NNT: variants seen among roughly 807,000 people sequenced by gnomAD.
The protein encoded by NNT is NAD(P) transhydrogenase, mitochondrial.
NNT carries 50 observed loss-of-function variants against 104.8 expected under a neutral mutation model. That is an observed-to-expected ratio of 0.48 (90% CI 0.38 to 0.60). The LOEUF (loss-of-function observed/expected upper bound fraction) is 0.60, where lower values mean the gene tolerates loss of function less well. NNT is among the 20% of genes least tolerant of loss of function. The probability of loss-of-function intolerance (pLI) is 0.00; values close to 1 mark genes in which losing one functional copy is unlikely to be tolerated. For synonymous variants in NNT, 461 were observed against 490.4 expected (o/e 0.94, Z 0.79); for missense variants, 1,131 against 1,330.7 (o/e 0.85, Z 2.33).
Position 43,673,366 on chromosome 5 carries a change from C to T in NNT, c.2635-2145C>T, listed in dbSNP as rs145452160. Among the ~76,000 whole-genome samples, 557 of 152,322 alleles carry T rather than the reference C, an allele frequency of 3.7e-3. 8 individuals are homozygous for T. Among genetic ancestry groups the T allele is most frequent in the African/African-American group, 0.013 (530 of 41,566 alleles). ...TGGAAATGCAGAAATCACCCGTCTT[C>T]TGCGTCTCTCATGCTGGTAGCTGTA... is the stretch of plus-strand genomic sequence containing the variant. On this transcript the variant is annotated intron_variant, in intron 17 of 21. Coordinates refer to ENST00000344920, the MANE Select transcript of NNT (RefSeq NM_182977.3).
At chr5:43,613,406 G>A in intron 3 of NNT, 1 of 361,646 alleles carries the variant, frequency 2.8e-6, no homozygotes, top group Non-Finnish European at 5.1e-6. Flanking sequence ...AATTGGCTAG[G>A]AAAAATTTGT....
intron 16 of NNT, among the ~76,000 whole-genome samples, chr5:43,658,118 A>C (rs1397582566): frequency 6.6e-6 from 1 of 152,084 alleles, no homozygotes; most frequent in African/African-American, 2.4e-5. Context: ...CTGGGTGACA[A>C]AGCAAGACTC....
intron 17 of NNT, among the ~76,000 whole-genome samples, chr5:43,672,565 G>T (rs550734559): frequency 2.0e-5 from 3 of 152,336 alleles, no homozygotes; most frequent in African/African-American, 7.2e-5. Flanking sequence ...GACCGTGTTT[G>T]CCTGGGTATC....
At position 43,690,765 on chromosome 5, in the gene NNT, T is replaced by A. The variant is rs1050786091; in HGVS notation, c.2877-9354T>A. Among the ~76,000 whole-genome samples, 5 of 152,252 alleles carry A rather than the reference T, an allele frequency of 3.3e-5. 2 individuals are homozygous for A. The South Asian group carries it at 1.0e-3, about 32-fold the overall frequency. Reference sequence around the variant, plus strand: ...CCACTGCCAACCGTCCTTTGAGTTATATGTAAAATACTCTTGGATTCATTT... The same window carrying A: ...CCACTGCCAACCGTCCTTTGAGTTAAATGTAAAATACTCTTGGATTCATTT... On this transcript the variant is annotated intron_variant, in intron 19 of 21. Transcript: ENST00000344920.
intron 7 of NNT, among the ~76,000 whole-genome samples, chr5:43,633,227 C>T (rs1175803727): frequency 6.6e-6 from 1 of 152,152 alleles, no homozygotes; most frequent in Non-Finnish European, 1.5e-5. Flanking sequence ...TCATAGTCTC[C>T]CACTCCCCAA....
Position 43,656,663 on chromosome 5 carries a change from A to T in NNT, c.2304A>T (p.Lys768Asn). Residue 768 changes from lysine to asparagine, a missense_variant, in exon 16 of 22, where the codon AAA (lysine) becomes AAT (asparagine). Coordinates refer to ENST00000344920, the MANE Select transcript of NNT (RefSeq NM_182977.3). ...TGTGCTTGGCTCTAGGTCTCCTGAAATCTGCCCCTCTCCTACTGCCTGGAA... is the reference window on the plus strand; with the variant it reads ...TGTGCTTGGCTCTAGGTCTCCTGAATTCTGCCCCTCTCCTACTGCCTGGAA... ...IAYGKLQGLL[K>N]SAPLLLPGRH... 10 of 1,611,058 alleles carry T rather than the reference A, an allele frequency of 6.2e-6. No individual in the cohort carries two copies. The highest frequency in any genetic ancestry group is 2.2e-5 in the South Asian group (2 of 90,344).
chr5:43,612,130 C>A (rs1749530040), intron 2 of NNT, among the ~76,000 whole-genome samples: 1 of 152,162 alleles, frequency 6.6e-6, no homozygotes, highest in Admixed American at 6.5e-5. Context: ...GCTGACCTCC[C>A]TTTGATTACC....
intron 3 of NNT, 113 bp downstream of exon 3, chr5:43,613,250 T>A: frequency 1.2e-6 from 1 of 811,188 alleles, no homozygotes; most frequent in Non-Finnish European, 1.9e-6. Flanking sequence ...TTTCAAACAG[T>A]GTATTTTTCT....
Position 43,704,828 on chromosome 5 carries a change from G to T in NNT, c.*424G>T. On this transcript the variant is annotated 3_prime_UTR_variant, in exon 22 of 22. Coordinates refer to ENST00000344920, the MANE Select transcript of NNT (RefSeq NM_182977.3). ...AACATTGCAGGCACCTGCATTTTATGTTTTTTTTTTCAACAAATGTGACTA... is the reference window on the plus strand; with the variant it reads ...AACATTGCAGGCACCTGCATTTTATTTTTTTTTTTTCAACAAATGTGACTA... The T allele has an allele frequency of 2.0e-5, 3 of 150,208 alleles. No homozygotes were observed. Among genetic ancestry groups the T allele is most frequent in the Non-Finnish European group, 4.4e-5 (3 of 67,990 alleles). The allele number at this position is 150,208 out of a possible 1,614,324, so 9.3% of individuals were successfully genotyped here. A position where few individuals can be genotyped will look rare whatever the true frequency, so the allele number is the denominator to read the frequency against.
At chr5:43,651,972 A>ATCGAGCAAATACAACTCTG (rs1739792592) in intron 13 of NNT, 88 bp downstream of exon 13, 3 of 1,374,738 alleles carry the variant, frequency 2.2e-6, no homozygotes, top group South Asian at 1.3e-5. Context: ...AATTCAAAGT[A>ATCGAGCAAATACAACTCTG]TCGAGCAAAT....
intron 4 of NNT, among the ~76,000 whole-genome samples, chr5:43,617,243 A>T (rs1489925327): frequency 2.0e-5 from 3 of 152,254 alleles, no homozygotes; most frequent in African/African-American, 7.2e-5. Context: ...GTCGCTCTAG[A>T]TCAAGTGGTT....
At chr5:43,658,132 C>G (rs1423109389) in intron 16 of NNT, among the ~76,000 whole-genome samples, 1 of 151,078 alleles carries the variant, frequency 6.6e-6, no homozygotes, top group Non-Finnish European at 1.5e-5. Flanking sequence ...AAGACTCTGT[C>G]TCAAAAAAAA....
intron 7 of NNT, among the ~76,000 whole-genome samples, chr5:43,641,061 G>GT (rs2111799500): frequency 6.6e-6 from 1 of 151,820 alleles, no homozygotes; most frequent in Admixed American, 6.6e-5. Flanking sequence ...ATGGTATTAG[G>GT]TTTGGGTAGA....
chr5:43,640,086 A>G (rs369067700), intron 7 of NNT, among the ~76,000 whole-genome samples: 2 of 152,028 alleles, frequency 1.3e-5, no homozygotes, highest in Non-Finnish European at 2.9e-5. Flanking sequence ...TTTTGCAATT[A>G]TGTCTAAAAA....
chr5:43,672,989 G>C (rs575456566), intron 17 of NNT, among the ~76,000 whole-genome samples: 7 of 152,222 alleles, frequency 4.6e-5, no homozygotes, highest in Middle Eastern at 6.8e-3. Flanking sequence ...AATGGTGGGC[G>C]TCCCTCCCCC....
chr5:43,614,045 T>A (rs1218052189), intron 3 of NNT, among the ~76,000 whole-genome samples: 1 of 152,236 alleles, frequency 6.6e-6, no homozygotes, highest in Non-Finnish European at 1.5e-5. Flanking sequence ...CTAAAGCTTT[T>A]TAAAGGTTTA....
intron 7 of NNT, among the ~76,000 whole-genome samples, chr5:43,630,241 A>G (rs150111764): frequency 1.5e-3 from 224 of 152,278 alleles, no homozygotes; most frequent in African/African-American, 5.1e-3. Flanking sequence ...ACAATATTAT[A>G]TTCATAAGCA....
intron 4 of NNT, among the ~76,000 whole-genome samples, chr5:43,617,621 T>C (rs1359952064): frequency 1.3e-5 from 2 of 152,226 alleles, no homozygotes; most frequent in Admixed American, 1.3e-4. Context: ...ATTCTGAACT[T>C]TTTTGCTGTC....
intron 19 of NNT, among the ~76,000 whole-genome samples, chr5:43,680,355 T>A (rs1741638025): frequency 6.6e-6 from 1 of 152,154 alleles, no homozygotes; most frequent in Non-Finnish European, 1.5e-5. Context: ...GAAATAAATC[T>A]GTATTTACAG....
Sources: allele counts gnomAD v4.1 joint callset (sites outside exome capture counted in the v4.1 genomes callset), GRCh38; gene constraint gnomAD v4.1.1; transcripts MANE v1.5; gene names NCBI Gene and HGNC (gene_info 2026-07-23, HGNC 2026-07-21).